The following DPYD variants were observed in gnomAD, a reference collection of about 807,000 sequenced individuals.
DPYD encodes dihydropyrimidine dehydrogenase [NADP(+)].
A neutral mutation model predicts 116.2 loss-of-function variants in DPYD; 109 were observed. That is an observed-to-expected ratio of 0.94 (90% CI 0.80 to 1.10). DPYD has a LOEUF of 1.10. Among genes scored for constraint, DPYD ranks in the 50% least tolerant of loss-of-function variants. The pLI is 0.00. For synonymous variants in DPYD, 440 were observed against 432.0 expected (o/e 1.02, Z -0.23); for missense variants, 1,302 against 1,254.5 (o/e 1.04, Z -0.57).
intron 20 of DPYD, among the ~76,000 whole-genome samples, chr1:97,101,956 C>A (rs2101603320): frequency 6.6e-6 from 1 of 152,052 alleles, no homozygotes; most frequent in Admixed American, 6.6e-5. Context: ...ATAACAGTAT[C>A]TTACACTAAA....
At chr1:97,099,240 CA>C (rs1305525499) in intron 20 of DPYD, among the ~76,000 whole-genome samples, 1 of 151,968 alleles carries the variant, frequency 6.6e-6, no homozygotes, top group Non-Finnish European at 1.5e-5. Context: ...GTACAGAAAA[CA>C]AATTTTATTT....
intron 5 of DPYD, among the ~76,000 whole-genome samples, chr1:97,707,248 C>A (rs930718573): frequency 6.6e-6 from 1 of 152,036 alleles, no homozygotes; most frequent in African/African-American, 2.4e-5. Context: ...GTAAGACAGG[C>A]ACAGTAAAAA....
At chr1:97,152,578 A>AC (rs1655111495) in intron 20 of DPYD, among the ~76,000 whole-genome samples, 1 of 151,122 alleles carries the variant, frequency 6.6e-6, no homozygotes, top group East Asian at 1.9e-4. Context: ...ATACACAGAT[A>AC]CCCATATTTA....
chr1:97,743,532 A>G (rs1163580256), intron 3 of DPYD, among the ~76,000 whole-genome samples: 1 of 152,128 alleles, frequency 6.6e-6, no homozygotes, highest in Non-Finnish European at 1.5e-5. Flanking sequence ...TTTCTATTTG[A>G]CAATAAATTA....
chr1:97,593,598 T>C (rs1397906631), intron 9 of DPYD, among the ~76,000 whole-genome samples: 1 of 152,200 alleles, frequency 6.6e-6, no homozygotes, highest in Non-Finnish European at 1.5e-5. Context: ...GTCAGTATCT[T>C]TAGTTTCTTT....
chr1:97,376,887 G>GTGTA lies in DPYD; in HGVS notation c.1975-3244_1975-3243insTACA. ...AGTTTGTGTGTGTGTGTGTGTGTGT[G>GTGTA]TATATATATATATATGGTGTGGACT... On this transcript the variant is annotated intron_variant, in intron 15 of 22. Transcript: ENST00000370192. Among the ~76,000 whole-genome samples, 107 of 128,454 alleles carry GTGTA rather than the reference G, an allele frequency of 8.3e-4. 1 individual carries two copies. The highest frequency in any genetic ancestry group is 2.7e-3 in the African/African-American group (94 of 35,088). 84.3% of individuals were successfully genotyped at this position (128,454 alleles called of 152,430 possible).
chr1:97,810,334 A>G (rs1031157087), intron 3 of DPYD, among the ~76,000 whole-genome samples: 5 of 151,012 alleles, frequency 3.3e-5, no homozygotes, highest in Admixed American at 3.3e-4. Flanking sequence ...TAAAAAGGGC[A>G]CTTACCCATC....
At chr1:97,274,152 C>T (rs1182363228) in intron 18 of DPYD, among the ~76,000 whole-genome samples, 2 of 152,082 alleles carry the variant, frequency 1.3e-5, no homozygotes, top group African/African-American at 4.8e-5. Flanking sequence ...TGGATATATA[C>T]ATCTAAATTC....
intron 12 of DPYD, among the ~76,000 whole-genome samples, chr1:97,540,254 T>G (rs1650325249): frequency 7.4e-6 from 1 of 135,772 alleles, no homozygotes; most frequent in Non-Finnish European, 1.5e-5. Context: ...CAACCAGCTA[T>G]AAACTGGGAT....
intron 16 of DPYD, among the ~76,000 whole-genome samples, chr1:97,333,463 G>T (rs889297154): frequency 2.0e-5 from 3 of 150,340 alleles, no homozygotes; most frequent in Non-Finnish European, 4.4e-5. Context: ...CTCCCAAAGT[G>T]CTGGGATTAC....
intron 6 of DPYD, among the ~76,000 whole-genome samples, chr1:97,692,839 G>T (rs1305634251): frequency 6.6e-6 from 1 of 152,106 alleles, no homozygotes; most frequent in African/African-American, 2.4e-5. Context: ...ATATTATAGA[G>T]ATTAATTTGG....
chr1:97,519,481 A>G (rs1372530039), intron 12 of DPYD, among the ~76,000 whole-genome samples: 1 of 152,152 alleles, frequency 6.6e-6, no homozygotes, highest in Non-Finnish European at 1.5e-5. Flanking sequence ...GTGGGGACAC[A>G]GTCAAACCAT....
At chr1:97,547,018 T>C in intron 12 of DPYD, 1 of 1,502,068 alleles carries the variant, frequency 6.7e-7, no homozygotes, top group Non-Finnish European at 9.2e-7. Context: ...TTTTGCTGTT[T>C]TGGAAGTTTA....
chr1:97,409,224 T>C (rs528031477), intron 14 of DPYD, among the ~76,000 whole-genome samples: 44 of 152,268 alleles, frequency 2.9e-4, no homozygotes, highest in African/African-American at 1.0e-3. Context: ...ATTCCCCAAA[T>C]ATGATTTTAT....
At chr1:97,612,657 A>C (rs1181518270) in intron 8 of DPYD, among the ~76,000 whole-genome samples, 1 of 152,096 alleles carries the variant, frequency 6.6e-6, no homozygotes, top group Non-Finnish European at 1.5e-5. Flanking sequence ...ATCATTTATT[A>C]AGCAGCAAAT....
At chr1:97,822,158 C>A (rs1233763490) in intron 3 of DPYD, among the ~76,000 whole-genome samples, 1 of 151,054 alleles carries the variant, frequency 6.6e-6, no homozygotes, top group Non-Finnish European at 1.5e-5. Context: ...AGCCACATTT[C>A]ATTCCTATTT....
chr1:97,599,844 CA>C (rs1348292034), intron 8 of DPYD, among the ~76,000 whole-genome samples: 2 of 71,374 alleles, frequency 2.8e-5, no homozygotes, highest in African/African-American at 1.1e-4. Context: ...ACCAACATGA[CA>C]AAAACCCATC....
intron 8 of DPYD, among the ~76,000 whole-genome samples, chr1:97,639,351 A>C (rs1406001108): frequency 6.6e-6 from 1 of 152,158 alleles, no homozygotes. Context: ...TAAATTAAAA[A>C]TAATATTCTA....
intron 2 of DPYD, among the ~76,000 whole-genome samples, chr1:97,869,791 T>C (rs1310196250): frequency 6.6e-6 from 1 of 151,836 alleles, no homozygotes; most frequent in African/African-American, 2.4e-5. Context: ...TTCTGCACGA[T>C]TTATCTCCCT....
Sources: gnomAD v4.1 joint callset for allele counts (sites outside exome capture counted in the v4.1 genomes callset) on GRCh38, gnomAD v4.1.1 for gene constraint, MANE v1.5 for transcripts, NCBI Gene and HGNC (gene_info 2026-07-23, HGNC 2026-07-21) for gene names.